Variants in CNTN1 observed in about 807,000 individuals in gnomAD.
CNTN1 encodes contactin-1.
CNTN1 carries 38 observed loss-of-function variants against 126.4 expected under a neutral mutation model. The ratio of observed to expected loss-of-function variants is 0.30; its 90% CI spans 0.23 to 0.39. The LOEUF is 0.39. Among genes scored for constraint, CNTN1 ranks in the 10% least tolerant of loss-of-function variants. The pLI, the probability that CNTN1 is intolerant of heterozygous loss-of-function variation, is 1.00. For missense variants in CNTN1, 1,009 were observed against 1,248.4 expected (o/e 0.81, Z 2.89); for synonymous variants, 413 against 422.6 (o/e 0.98, Z 0.28).
rs3072067 is a variant in CNTN1 at position 41,071,083 on chromosome 12, C to CAATAATAAT, written c.*1061_*1069dup. 4.7e-5 allele frequency: 7 copies of CAATAATAAT among 150,480 alleles called. No homozygotes were observed. Among genetic ancestry groups the CAATAATAAT allele is most frequent in the Admixed American group, 2.0e-4 (3 of 15,096 alleles). The allele number at this position is 150,480 out of a possible 1,614,324, so 9.3% of individuals were successfully genotyped here. On this transcript the variant is annotated 3_prime_UTR_variant, in exon 24 of 24. Coordinates refer to ENST00000551295, the MANE Select transcript of CNTN1 (RefSeq NM_001843.4). Reference sequence around the variant, plus strand: ...ACCGTATTCCATTTTGTAAAAATAACAATAATAATAATAATAATAATTAGT... The same window carrying CAATAATAAT: ...ACCGTATTCCATTTTGTAAAAATAACAATAATAATAATAATAATAATAATAATAATTAGT...
At chr12:40,866,251 C>T (rs544317567) in intron 1 of CNTN1, among the ~76,000 whole-genome samples, 1 of 152,126 alleles carries the variant, frequency 6.6e-6, no homozygotes, top group South Asian at 2.1e-4. Context: ...ATTATGTCAT[C>T]TGCCAATAAA....
At chr12:40,748,629 T>C (rs1938277123) in intron 1 of CNTN1, among the ~76,000 whole-genome samples, 1 of 152,160 alleles carries the variant, frequency 6.6e-6, no homozygotes, top group Non-Finnish European at 1.5e-5. Context: ...AAATCAAAAC[T>C]TTATTTAAAT....
At chr12:40,887,116 T>TA (rs1449243993) in intron 1 of CNTN1, among the ~76,000 whole-genome samples, 1 of 152,086 alleles carries the variant, frequency 6.6e-6, no homozygotes, top group Non-Finnish European at 1.5e-5. Flanking sequence ...AAGTCATTGG[T>TA]AGCTTGATGG....
chr12:41,013,889 C>CATTA (rs1236653307), intron 17 of CNTN1, among the ~76,000 whole-genome samples: 1 of 152,182 alleles, frequency 6.6e-6, no homozygotes, highest in Non-Finnish European at 1.5e-5. Flanking sequence ...ACTAACACAA[C>CATTA]ATTAAGTTGT....
intron 1 of CNTN1, among the ~76,000 whole-genome samples, chr12:40,725,072 C>T (rs1942313686): frequency 6.6e-6 from 1 of 152,148 alleles, no homozygotes; most frequent in South Asian, 2.1e-4. Flanking sequence ...AGTCTCAGGC[C>T]CGTTACCTCC....
chr12:40,910,417 A>T (rs549171232), intron 3 of CNTN1, among the ~76,000 whole-genome samples: 20 of 152,320 alleles, frequency 1.3e-4, no homozygotes, highest in Admixed American at 4.6e-4. Context: ...AAAATTTGTA[A>T]GCCTTGAACT....
At chr12:40,720,003 A>ATTTTTTTTTTTTTTTT (rs561694238) in intron 1 of CNTN1, among the ~76,000 whole-genome samples, 1 of 127,238 alleles carries the variant, frequency 7.9e-6, no homozygotes, top group Admixed American at 8.0e-5. Flanking sequence ...CGCCCGGTTA[A>ATTTTTTTTTTTTTTTT]TTTTTTTTTT....
chr12:40,909,485 C>T lies in CNTN1; in HGVS notation c.62-588C>T, dbSNP rs150564597. On this transcript the variant is annotated intron_variant, in intron 2 of 23. Coordinates refer to ENST00000551295, the MANE Select transcript of CNTN1 (RefSeq NM_001843.4). The stretch of plus-strand genomic sequence containing the variant: ...TGTTGAGTGACTGTTTTGTTCAAGA[C>T]ATAAATGGTCCTCATCCTTTTGTAT... Among the ~76,000 whole-genome samples the T allele has an allele frequency of 6.4e-4, 98 of 151,946 alleles. 1 individual carries two copies. Among genetic ancestry groups the T allele is most frequent in the African/African-American group, 2.2e-3 (93 of 41,512 alleles).
intron 1 of CNTN1, among the ~76,000 whole-genome samples, chr12:40,718,901 G>C (rs1191307139): frequency 1.3e-5 from 2 of 151,974 alleles, no homozygotes; most frequent in African/African-American, 2.4e-5. Flanking sequence ...TGAATATCTG[G>C]GATTTTTTTT....
At chr12:40,933,323 C>T in intron 7 of CNTN1, 138 bp from the exon 8 acceptor site, 1 of 684,458 alleles carries the variant, frequency 1.5e-6, no homozygotes. Context: ...CAAGTCTATC[C>T]ATTATGATAT....
At chr12:40,830,621 G>T (rs1941777404) in intron 1 of CNTN1, among the ~76,000 whole-genome samples, 1 of 149,886 alleles carries the variant, frequency 6.7e-6, no homozygotes, top group South Asian at 2.1e-4. Context: ...AAATTTTAAG[G>T]GTGACTTAGA....
At chr12:40,866,494 G>A (rs1057511872) in intron 1 of CNTN1, among the ~76,000 whole-genome samples, 4 of 152,038 alleles carry the variant, frequency 2.6e-5, no homozygotes, top group Non-Finnish European at 5.9e-5. Context: ...TCTATTCCTA[G>A]TTTAGTAAGC....
intron 1 of CNTN1, among the ~76,000 whole-genome samples, chr12:40,792,615 A>AT (rs978726489): frequency 5.3e-5 from 8 of 152,096 alleles, no homozygotes; most frequent in African/African-American, 1.9e-4. Context: ...TGGAAAAAAT[A>AT]AATTCTTGAT....
intron 1 of CNTN1, chr12:40,895,877 C>A (rs1267307563): frequency 2.6e-5 from 4 of 151,678 alleles, no homozygotes; most frequent in African/African-American, 4.9e-5. Flanking sequence ...CCTGCCTCAG[C>A]CTCCCGAGTA....
chr12:41,007,466 A>C (rs1299360410), intron 17 of CNTN1, among the ~76,000 whole-genome samples: 1 of 152,188 alleles, frequency 6.6e-6, no homozygotes, highest in East Asian at 1.9e-4. Context: ...TTGCACCAGG[A>C]AAACTTAGGA....
At chr12:40,692,909 GC>G (rs1941339061) in intron 1 of CNTN1, among the ~76,000 whole-genome samples, 1 of 152,166 alleles carries the variant, frequency 6.6e-6, no homozygotes, top group Non-Finnish European at 1.5e-5. Context: ...CCGGGAACTC[GC>G]CCCAGGGATG....
At chr12:40,903,253 C>T (rs1944672869) in intron 1 of CNTN1, among the ~76,000 whole-genome samples, 1 of 152,182 alleles carries the variant, frequency 6.6e-6, no homozygotes, top group Admixed American at 6.5e-5. Context: ...CTGACACGTT[C>T]AGGGAGCTGG....
chr12:41,017,270 AT>A (rs1701343740), intron 19 of CNTN1, among the ~76,000 whole-genome samples: 1 of 151,666 alleles, frequency 6.6e-6, no homozygotes, highest in African/African-American at 2.4e-5. Context: ...AAAGTTTATA[AT>A]TTAAAACTTC....
At chr12:40,784,728 G>T (rs1592083540) in intron 1 of CNTN1, among the ~76,000 whole-genome samples, 2 of 152,018 alleles carry the variant, frequency 1.3e-5, no homozygotes, top group Non-Finnish European at 2.9e-5. Flanking sequence ...GGTTCAACAG[G>T]GTCGTGTTCT....
Sources: gnomAD v4.1 joint callset for allele counts (sites outside exome capture counted in the v4.1 genomes callset) on GRCh38, gnomAD v4.1.1 for gene constraint, MANE v1.5 for transcripts, NCBI Gene and HGNC (gene_info 2026-07-23, HGNC 2026-07-21) for gene names.